GABRQ: variants seen among roughly 807,000 people sequenced by gnomAD.
The protein encoded by GABRQ is gamma-aminobutyric acid type A receptor subunit theta, also known as gamma-aminobutyric acid receptor subunit theta.
A neutral mutation model predicts 30.5 loss-of-function variants in GABRQ; 19 were observed. That is an observed-to-expected ratio of 0.62 (90% CI 0.43 to 0.91). The LOEUF (loss-of-function observed/expected upper bound fraction) is 0.91, where lower values mean the gene tolerates loss of function less well. GABRQ is among the 40% of genes least tolerant of loss of function. The probability of loss-of-function intolerance (pLI) is 0.00; values close to 1 mark genes in which losing one functional copy is unlikely to be tolerated. For synonymous variants in GABRQ, 187 were observed against 210.2 expected (o/e 0.89, Z 0.95); for missense variants, 520 against 521.4 (o/e 1.00, Z 0.03).
chrX:152,641,635 G>T (rs782085057), intron 2 of GABRQ, among the ~76,000 whole-genome samples: 15 of 110,978 alleles, frequency 1.4e-4, no homozygotes, highest in Non-Finnish European at 2.7e-4. Context: ...CAGCCCAAGG[G>T]ATTAAAGCTG....
At position 152,640,440 on chromosome X, in the gene GABRQ, A is replaced by T. The variant is rs1930730478; in HGVS notation, c.212A>T (p.Asp71Val). ...TTGGACAGGGTGCTGTCAAGATACG[A>T]TGTCCGCCTGAGACCGAATTTTGGA... ...KILDRVLSRY[D>V]VRLRPNFGGA... is the part of the protein sequence containing the mutation. The change falls in exon 2 of 9, where the codon GAT becomes GTT. Residue 71 changes from aspartate (D) to valine (V), a missense_variant. By Grantham distance (152) the Asp-to-Val change is radical (BLOSUM62 -3). Coordinates refer to ENST00000598523, the MANE Select transcript of GABRQ (RefSeq NM_018558.4). 8.4e-7 allele frequency: 1 copy of T among 1,192,192 alleles called. No homozygotes were observed. Among genetic ancestry groups the T allele is most frequent in the African/African-American group, 1.7e-5 (1 of 57,357 alleles).
chrX:152,651,789 C>A lies in GABRQ; in HGVS notation c.1158+7C>A. The A allele has an allele frequency of 1.7e-6, 2 of 1,207,235 alleles. No individual in the cohort carries two copies. On this transcript the variant is annotated splice_region_variant and intron_variant, in intron 8 of 8. Coordinates refer to ENST00000598523, the MANE Select transcript of GABRQ (RefSeq NM_018558.4). The stretch of plus-strand genomic sequence containing the variant: ...GGTGGTAGGAAACGTGCAGGTTTGA[C>A]TTTTTGACTGACAATCAGCTTTCCC...
Position 152,649,254 on chromosome X carries a change from C to A in GABRQ, c.531C>A (p.Leu177=). The change falls in exon 5 of 9, where the codon CTC becomes CTA. Residue 177 remains leucine, a synonymous_variant. Coordinates refer to ENST00000598523, the MANE Select transcript of GABRQ (RefSeq NM_018558.4). ...TCCTTTTTGTTTTCCTTTGCAGACTCACCACTACAGCAGCTTGTTCCCTGG... is the reference window on the plus strand; with the variant it reads ...TCCTTTTTGTTTTCCTTTGCAGACTAACCACTACAGCAGCTTGTTCCCTGG... The part of the protein sequence containing the change: ...PDGTVRYGIR[L]TTTAACSLDL... The A allele has an allele frequency of 1.7e-6, 2 of 1,178,456 alleles. No homozygotes were observed. Among genetic ancestry groups the A allele is most frequent in the Non-Finnish European group, 2.3e-6 (2 of 865,090 alleles).
chrX:152,652,648 G>C lies in GABRQ; in HGVS notation c.1266G>C (p.Glu422Asp). 8.3e-7 allele frequency: 1 copy of C among 1,211,868 alleles called. No individual in the cohort carries two copies. Among genetic ancestry groups the C allele is most frequent in the South Asian group, 1.8e-5 (1 of 56,959 alleles). Residue 422 changes from glutamate to aspartate, a missense_variant, in exon 9 of 9, where the codon GAG becomes GAC. By Grantham distance (45) the Glu-to-Asp change is conservative (BLOSUM62 2). Transcript: ENST00000598523. Reference protein sequence around the residue: ...ESLGSLTSTSEQAQLATSESL... With the variant: ...ESLGSLTSTSDQAQLATSESL... ...TCGGTTCTTTGACGTCCACCTCCGA[G>C]CAGGCCCAGCTGGCCACCTCGGAAA...
intron 7 of GABRQ, 25 bp downstream of exon 7, chrX:152,650,605 A>C (rs1556820034): frequency 8.6e-7 from 1 of 1,164,817 alleles, no homozygotes; most frequent in Non-Finnish European, 1.2e-6. Flanking sequence ...TGTCCCAGGA[A>C]AGAATTTGGG....
chrX:152,646,858 C>CATGCACTTGTGT, intron 3 of GABRQ, 90 bp from the exon 4 acceptor site: 1 of 559,909 alleles, frequency 1.8e-6, no homozygotes, highest in Non-Finnish European at 3.2e-6. Context: ...TACACAAGTG[C>CATGCACTTGTGT]ATGCACACAT....
chrX:152,638,055 G>T lies in GABRQ; in HGVS notation c.-148G>T. Reference sequence around the variant, plus strand: ...CGCACCCCCTACTTCCCTTGCCCTCGCTGCTCTCTCCTTAGAGGCGACTCT... The same window carrying T: ...CGCACCCCCTACTTCCCTTGCCCTCTCTGCTCTCTCCTTAGAGGCGACTCT... On this transcript the variant is annotated 5_prime_UTR_variant, in exon 1 of 9. Transcript: ENST00000598523. The T allele has an allele frequency of 2.0e-6, 1 of 492,802 alleles. No individual in the cohort carries two copies. The highest frequency in any genetic ancestry group is 3.5e-5 in the South Asian group (1 of 28,780). The allele number at this position is 492,802 out of a possible 1,213,427, so 40.6% of individuals were successfully genotyped here.
intron 1 of GABRQ, among the ~76,000 whole-genome samples, chrX:152,639,179 T>A (rs1229788717): frequency 9.1e-6 from 1 of 109,589 alleles, no homozygotes; most frequent in Admixed American, 9.7e-5. Context: ...CATGTGCACA[T>A]TTTGGGATGC....
At position 152,649,821 on chromosome X, in the gene GABRQ, C is replaced by T. The variant is rs1930975274; in HGVS notation, c.690C>T (p.Ile230=). ...NAIHMTEELH[I]PQFTFLGRTI... ...TCCACATGACTGAGGAGCTGCATAT[C>T]CCTCAGTTCACTTTCCTGGGAAGGA... Residue 230 remains isoleucine, a synonymous_variant, in exon 6 of 9, where the codon ATC becomes ATT. Transcript: ENST00000598523. 2.5e-6 allele frequency: 3 copies of T among 1,181,670 alleles called. No individual in the cohort carries two copies. The highest frequency in any genetic ancestry group is 3.4e-6 in the Non-Finnish European group (3 of 869,679).
Position 152,650,440 on chromosome X carries a change from G to A in GABRQ, c.761G>A (p.Arg254His), listed in dbSNP as rs782159275. 16 of 1,205,281 alleles carry A rather than the reference G, an allele frequency of 1.3e-5. No homozygotes were observed. In the African/African-American group the frequency reaches 1.8e-4, roughly 13 times the overall value. Residue 254 changes from arginine (R) to histidine (H), a missense_variant, in exon 7 of 9, where the codon CGC becomes CAC. By Grantham distance (29) the Arg-to-His change is conservative. Coordinates refer to ENST00000598523, the MANE Select transcript of GABRQ (RefSeq NM_018558.4). The stretch of plus-strand genomic sequence containing the variant: ...GTCTCCTTGCCAGGTTCCTACATAC[G>A]CCTGATACTGAAGTTCCAGGTTCAG... Reference protein sequence around the residue: ...EVYFYTGSYIRLILKFQVQRE... With the variant: ...EVYFYTGSYIHLILKFQVQRE...
At chrX:152,644,997 C>T (rs1324146619) in intron 2 of GABRQ, among the ~76,000 whole-genome samples, 1 of 112,357 alleles carries the variant, frequency 8.9e-6, no homozygotes, top group African/African-American at 3.2e-5. Context: ...CACACATTCA[C>T]TTATACACAA....
intron 1 of GABRQ, among the ~76,000 whole-genome samples, chrX:152,639,378 G>GCGCGCACACA (rs202009485): frequency 1.3e-4 from 13 of 103,364 alleles, no homozygotes; most frequent in Admixed American, 5.1e-4. Context: ...ATGCGCGTGC[G>GCGCGCACACA]CACACACACA....
intron 1 of GABRQ, among the ~76,000 whole-genome samples, chrX:152,640,175 G>GC (rs1300573461): frequency 2.8e-4 from 31 of 110,491 alleles, no homozygotes; most frequent in Admixed American, 1.1e-3. Flanking sequence ...GAAGGTGGGG[G>GC]GGGGAGGAAA....
chrX:152,645,659 A>T lies in GABRQ; in HGVS notation c.306+65A>T. ...GACATGGAACAAGCAGCAGGCTTATAATCCAAGTCCAGTTGTTCTGACCTG... is the reference window on the plus strand; with the variant it reads ...GACATGGAACAAGCAGCAGGCTTATTATCCAAGTCCAGTTGTTCTGACCTG... On this transcript the variant is annotated intron_variant, in intron 3 of 8. Coordinates refer to ENST00000598523, the MANE Select transcript of GABRQ (RefSeq NM_018558.4). The T allele has an allele frequency of 2.5e-5, 17 of 672,184 alleles. No individual in the cohort carries two copies. In the South Asian group the frequency reaches 4.0e-4, roughly 16 times the overall value. 55.4% of individuals were successfully genotyped at this position (672,184 alleles called of 1,213,427 possible). A position where few individuals can be genotyped will look rare whatever the true frequency, so the allele number is the denominator to read the frequency against.
At chrX:152,650,258 T>C (rs1414508702) in intron 6 of GABRQ, among the ~76,000 whole-genome samples, 170 bp from the exon 7 acceptor site, 2 of 112,101 alleles carry the variant, frequency 1.8e-5, no homozygotes, top group Non-Finnish European at 3.8e-5. Context: ...TACTGAGATA[T>C]GCCACTGTCA....
downstream of GABRQ, among the ~76,000 whole-genome samples, chrX:152,658,148 C>T (rs1556821363): frequency 1.8e-5 from 2 of 111,653 alleles, no homozygotes; most frequent in Admixed American, 1.9e-4. Context: ...AACTCCTCCC[C>T]ACCCGCTTCT....
chrX:152,651,555 A>G lies in GABRQ; in HGVS notation c.931A>G (p.Ile311Val), dbSNP rs1556820203. Reference protein sequence around the residue: ...GLTSMLILTTIDSHLRDKLPN... With the variant: ...GLTSMLILTTVDSHLRDKLPN... ...AACTTCAATGCTCATCCTGACCACC[A>G]TCGACTCACATCTGCGGGATAAGCT... Residue 311 changes from isoleucine (I) to valine (V), a missense_variant, in exon 8 of 9, where the codon ATC becomes GTC. Transcript: ENST00000598523. 2 of 1,206,062 alleles carry G rather than the reference A, an allele frequency of 1.7e-6. No homozygotes were observed. Among genetic ancestry groups the G allele is most frequent in the South Asian group, 3.5e-5 (2 of 56,840 alleles).
At chrX:152,645,622 T>C in intron 3 of GABRQ, 28 bp downstream of exon 3, 2 of 890,336 alleles carry the variant, frequency 2.2e-6, no homozygotes, top group Non-Finnish European at 3.3e-6. Context: ...AGCCATGGGG[T>C]TGGGAACAGA....
chrX:152,649,695 C>T (rs1556819806), intron 5 of GABRQ, 47 bp from the exon 6 acceptor site: 4 of 1,094,082 alleles, frequency 3.7e-6, no homozygotes, highest in African/African-American at 3.6e-5. Flanking sequence ...TTGTGCTTTT[C>T]TTTCTTTCTA....
Sources: allele counts gnomAD v4.1 joint callset (sites outside exome capture counted in the v4.1 genomes callset), GRCh38; gene constraint gnomAD v4.1.1; transcripts MANE v1.5; gene names NCBI Gene and HGNC (gene_info 2026-07-23, HGNC 2026-07-21).